Variants in WIPF2 observed in about 807,000 individuals in gnomAD.
The protein encoded by WIPF2 is WAS/WASL-interacting protein family member 2.
In WIPF2, 23 loss-of-function variants were observed where a neutral mutation model predicts 38.8. The observed-to-expected ratio is 0.59, with a 90% CI of 0.43 to 0.84. The LOEUF is 0.84. WIPF2 is among the 40% of genes least tolerant of loss of function. The pLI, the probability that WIPF2 is intolerant of heterozygous loss-of-function variation, is 0.00. For synonymous variants in WIPF2, 210 were observed against 223.2 expected, an observed-to-expected ratio of 0.94 and a Z score of 0.53; for missense variants, 574 against 580.5, an observed-to-expected ratio of 0.99 and a Z score of 0.11.
At chr17:40,224,992 G>GAC (rs2030419170) in intron 1 of WIPF2, among the ~76,000 whole-genome samples, 1 of 151,990 alleles carries the variant, frequency 6.6e-6, no homozygotes, top group Non-Finnish European at 1.5e-5. Flanking sequence ...TTGACTGACT[G>GAC]TGTCTTGAGG....
At chr17:40,235,022 C>T (rs528641108) in intron 1 of WIPF2, among the ~76,000 whole-genome samples, 1 of 151,900 alleles carries the variant, frequency 6.6e-6, no homozygotes, top group Non-Finnish European at 1.5e-5. Flanking sequence ...GGGTTCACGC[C>T]ATTCTCCTGC....
At chr17:40,230,384 T>A (rs948458046) in intron 1 of WIPF2, among the ~76,000 whole-genome samples, 8 of 152,018 alleles carry the variant, frequency 5.3e-5, no homozygotes, top group Non-Finnish European at 1.2e-4. Flanking sequence ...AATTTTGAGG[T>A]CAGCTTCTAA....
intron 2 of WIPF2, among the ~76,000 whole-genome samples, chr17:40,258,585 T>C (rs1392491123): frequency 6.6e-6 from 1 of 151,720 alleles, no homozygotes; most frequent in Non-Finnish European, 1.5e-5. Flanking sequence ...AGCGAGACTC[T>C]GTCTCAAAAA....
rs371890257 is a variant in WIPF2 at position 40,262,831 on chromosome 17, G to T, written c.313+190G>T. Among the ~76,000 whole-genome samples, 159 of 152,298 alleles carry T rather than the reference G, an allele frequency of 1.0e-3. 1 individual carries two copies. In the South Asian group the frequency reaches 0.032, roughly 31 times the overall value. On this transcript the variant is annotated intron_variant, in intron 4 of 7. Coordinates refer to ENST00000323571, the MANE Select transcript of WIPF2 (RefSeq NM_133264.5). ...TGAAAGTGGATGCAACTTGGATAAA[G>T]AAAATGTGGCATATATACCCTAGAA... is the stretch of plus-strand genomic sequence containing the variant.
At chr17:40,242,481 C>T (rs374918687) in intron 1 of WIPF2, among the ~76,000 whole-genome samples, 1 of 152,116 alleles carries the variant, frequency 6.6e-6, no homozygotes, top group Non-Finnish European at 1.5e-5. Context: ...CTCGCTGCAA[C>T]CTCCGCCTGC....
chr17:40,224,278 C>G lies in WIPF2; in HGVS notation c.-70+4786C>G, dbSNP rs1567707362. The stretch of plus-strand genomic sequence containing the variant: ...ACGGAGTCTCACTTTGTCCCCCAGG[C>G]TGGAGTGCAGTGGCGCAATCTCGGC... On this transcript the variant is annotated intron_variant, in intron 1 of 7. Coordinates refer to ENST00000323571, the MANE Select transcript of WIPF2 (RefSeq NM_133264.5). Among the ~76,000 whole-genome samples the G allele has an allele frequency of 2.8e-5, 4 of 140,356 alleles. 1 individual carries two copies. Among genetic ancestry groups the G allele is most frequent in the Admixed American group, 7.6e-5 (1 of 13,118 alleles). The allele number at this position is 140,356 out of a possible 152,430, so 92.1% of individuals were successfully genotyped here. A position where few individuals can be genotyped will look rare whatever the true frequency, so the allele number is the denominator to read the frequency against.
chr17:40,230,584 T>G (rs528283457), intron 1 of WIPF2, among the ~76,000 whole-genome samples: 4 of 152,298 alleles, frequency 2.6e-5, no homozygotes, highest in African/African-American at 9.6e-5. Flanking sequence ...GATTAGCTCT[T>G]AAAATTTTAG....
rs2032473178 is a variant in WIPF2, at chr17:40,278,385, T to C, written c.*160T>C. The C allele has an allele frequency of 2.6e-6, 2 of 766,548 alleles. No individual in the cohort carries two copies. Among genetic ancestry groups the C allele is most frequent in the East Asian group, 5.4e-5 (2 of 36,804 alleles). 47.5% of individuals were successfully genotyped at this position (766,548 alleles called of 1,614,324 possible). ...TGTCCTCCCAGCTCACCTCCATCTA[T>C]GCATCTCATCTCTGGATTTGGTGAT... On this transcript the variant is annotated 3_prime_UTR_variant, in exon 8 of 8. Transcript: ENST00000323571.
At chr17:40,273,682 C>T in intron 5 of WIPF2, 108 bp from the exon 6 acceptor site, 2 of 704,746 alleles carry the variant, frequency 2.8e-6, no homozygotes, top group South Asian at 1.6e-5. Context: ...GAACCAGGCA[C>T]TGTGAGCCTC....
At chr17:40,274,911 G>A (rs533601109) in intron 6 of WIPF2, among the ~76,000 whole-genome samples, 13 of 137,320 alleles carry the variant, frequency 9.5e-5, no homozygotes, top group South Asian at 4.5e-4. Context: ...CAGCCTGGGC[G>A]ACAGAGAGAG....
Position 40,282,030 on chromosome 17 carries a change from G to A in WIPF2, c.*3805G>A, listed in dbSNP as rs1159638587. On this transcript the variant is annotated 3_prime_UTR_variant, in exon 8 of 8. Transcript: ENST00000323571. ...TTCGGGAATGGGAGGGGAGAGAGGA[G>A]GGCCATTACAACTCTGCCTTCAAGA... 1 of 150,440 alleles carries A rather than the reference G, an allele frequency of 6.6e-6. No individual in the cohort carries two copies. Among genetic ancestry groups the A allele is most frequent in the African/African-American group, 2.5e-5 (1 of 40,624 alleles). The allele number at this position is 150,440 out of a possible 1,614,324, so 9.3% of individuals were successfully genotyped here.
intron 5 of WIPF2, among the ~76,000 whole-genome samples, chr17:40,266,695 G>A (rs994959953): frequency 8.5e-5 from 13 of 152,108 alleles, no homozygotes; most frequent in African/African-American, 3.1e-4. Flanking sequence ...ATCCCAAGAT[G>A]GGAGACCTAT....
At chr17:40,237,773 G>A (rs1028155779) in intron 1 of WIPF2, among the ~76,000 whole-genome samples, 1 of 148,970 alleles carries the variant, frequency 6.7e-6, no homozygotes, top group Non-Finnish European at 1.5e-5. Context: ...AGCCTCATAA[G>A]TAGCTGGGAT....
Position 40,273,974 on chromosome 17 carries a change from T to C in WIPF2, c.1155T>C (p.Ser385=). ...CCCTGAGGAATGGCCACAGAGATTC[T>C]ATCACCACTGTCCGGTCTTTCTTGG... is the stretch of plus-strand genomic sequence containing the variant. ...PPPLRNGHRD[S]ITTVRSFLDD... The change falls in exon 6 of 8, where the codon TCT becomes TCC. Residue 385 remains serine, a synonymous_variant. Coordinates refer to ENST00000323571, the MANE Select transcript of WIPF2 (RefSeq NM_133264.5). The C allele has an allele frequency of 6.3e-7, 1 of 1,577,820 alleles. No individual in the cohort carries two copies. Among genetic ancestry groups the C allele is most frequent in the Non-Finnish European group, 8.6e-7 (1 of 1,162,106 alleles).
chr17:40,243,857 AT>A (rs199898298), intron 1 of WIPF2, among the ~76,000 whole-genome samples: 2 of 151,802 alleles, frequency 1.3e-5, no homozygotes, highest in African/African-American at 2.4e-5. Flanking sequence ...TGGTTATGTG[AT>A]TTTTTTTATT....
chr17:40,267,936 A>C (rs1009428619), intron 5 of WIPF2, among the ~76,000 whole-genome samples: 2 of 152,204 alleles, frequency 1.3e-5, no homozygotes, highest in Non-Finnish European at 2.9e-5. Context: ...TAAGCCCAGG[A>C]GTTCGAGACC....
chr17:40,232,570 T>G (rs981928551), intron 1 of WIPF2, among the ~76,000 whole-genome samples: 1 of 151,906 alleles, frequency 6.6e-6, no homozygotes, highest in African/African-American at 2.4e-5. Flanking sequence ...TGATCCACCT[T>G]GGCCTCCCAA....
At chr17:40,238,518 G>C (rs749496977) in intron 1 of WIPF2, among the ~76,000 whole-genome samples, 1 of 152,050 alleles carries the variant, frequency 6.6e-6, no homozygotes, top group African/African-American at 2.4e-5. Context: ...GGCCAGGCTG[G>C]TCTTGAACTC....
In WIPF2 at chr17:40,261,926, C is replaced by T. The variant is rs1396782545; in HGVS notation, c.197-599C>T. Among the ~76,000 whole-genome samples, 10 of 150,486 alleles carry T rather than the reference C, an allele frequency of 6.6e-5. No individual in the cohort carries two copies. The South Asian group carries it at 8.4e-4, about 13-fold the overall frequency. ...CCTGACCTCATGATCCGCCCGCCTCCGCCTCCGCCTCCCAAAGTGCTGGGA... is the reference window on the plus strand; with the variant it reads ...CCTGACCTCATGATCCGCCCGCCTCTGCCTCCGCCTCCCAAAGTGCTGGGA... On this transcript the variant is annotated intron_variant, in intron 3 of 7. Coordinates refer to ENST00000323571, the MANE Select transcript of WIPF2 (RefSeq NM_133264.5).
Sources: gnomAD v4.1 joint callset for allele counts (sites outside exome capture counted in the v4.1 genomes callset) on GRCh38, gnomAD v4.1.1 for gene constraint, MANE v1.5 for transcripts, NCBI Gene and HGNC (gene_info 2026-07-23, HGNC 2026-07-21) for gene names.